The following RANBP2 variants were observed in gnomAD, a reference collection of about 807,000 sequenced individuals.
RANBP2 encodes E3 SUMO-protein ligase RanBP2.
Under a neutral mutation model 303.6 loss-of-function variants are expected in RANBP2, and 57 were observed. That is an observed-to-expected ratio of 0.19 (90% CI 0.15 to 0.23). The LOEUF is 0.23. Among genes scored for constraint, RANBP2 ranks in the 10% least tolerant of loss-of-function variants. RANBP2 has a pLI of 1.00. For missense variants in RANBP2, 3,138 were observed against 3,780.8 expected (o/e 0.83, Z 4.46); for synonymous variants, 1,167 against 1,301.5 (o/e 0.90, Z 2.23).
At chr2:109,290,309 C>T in the RANBP2 span, among the ~76,000 whole-genome samples, 5,662 of 152,220 alleles carry the variant, frequency 0.037, 268 homozygotes, top group African/African-American at 0.1. Context: ...AACACATTGC[C>T]CCCAGGCACG....
chr2:108,843,846 G>T, the RANBP2 span, among the ~76,000 whole-genome samples: 36 of 7,458 alleles, frequency 4.8e-3, no homozygotes, highest in Non-Finnish European at 0.021. Flanking sequence ...TTCATGTTTT[G>T]TGTGTGTGTG....
At chr2:109,332,228 C>CCT in the RANBP2 span, among the ~76,000 whole-genome samples, 9 of 152,290 alleles carry the variant, frequency 5.9e-5, no homozygotes, top group Middle Eastern at 6.8e-3. Context: ...GACCTTCTTG[C>CCT]CTCTCTGAGT....
At chr2:109,076,344 G>A in the RANBP2 span, among the ~76,000 whole-genome samples, 1 of 150,592 alleles carries the variant, frequency 6.6e-6, no homozygotes, top group Non-Finnish European at 1.5e-5. Context: ...AATAATTGAA[G>A]AAAAATTAAA....
At chr2:109,316,257 GGCTATCAGT>G in the RANBP2 span, among the ~76,000 whole-genome samples, 1 of 152,174 alleles carries the variant, frequency 6.6e-6, no homozygotes, top group Non-Finnish European at 1.5e-5. Context: ...GCTCCAACTG[GGCTATCAGT>G]GCTGTGGGCC....
intron 1 of RANBP2, among the ~76,000 whole-genome samples, chr2:108,728,791 C>A (rs1425332803): frequency 6.6e-6 from 1 of 152,102 alleles, no homozygotes; most frequent in African/African-American, 2.4e-5. Context: ...GTTACAGGCA[C>A]CCACCATCAT....
At chr2:109,512,669 TGAGC>T in the RANBP2 span, among the ~76,000 whole-genome samples, 1 of 152,056 alleles carries the variant, frequency 6.6e-6, no homozygotes, top group Admixed American at 6.5e-5. Context: ...CCACAGAGGC[TGAGC>T]AAGAAAGAGA....
At chr2:109,515,961 C>T in the RANBP2 span, among the ~76,000 whole-genome samples, 1 of 152,210 alleles carries the variant, frequency 6.6e-6, no homozygotes, top group African/African-American at 2.4e-5. Context: ...GATTGCATTT[C>T]CACCTGGGGT....
chr2:108,985,582 AGT>A, the RANBP2 span, among the ~76,000 whole-genome samples: 1 of 152,278 alleles, frequency 6.6e-6, no homozygotes, highest in Admixed American at 6.5e-5. Context: ...GCATTTCCAG[AGT>A]GTGTCTGGGC....
the RANBP2 span, among the ~76,000 whole-genome samples, chr2:109,485,166 A>C: frequency 4.7e-4 from 71 of 152,352 alleles, no homozygotes; most frequent in East Asian, 0.013. Context: ...GTGTGTGCCC[A>C]ACCAATGCAA....
At chr2:108,953,478 G>A in the RANBP2 span, among the ~76,000 whole-genome samples, 1 of 152,098 alleles carries the variant, frequency 6.6e-6, no homozygotes, top group Non-Finnish European at 1.5e-5. Context: ...AATTCCCTCT[G>A]GCTAGGAAGC....
chr2:109,717,272 CA>C, the RANBP2 span, among the ~76,000 whole-genome samples: 13,156 of 124,656 alleles, frequency 0.11, 711 homozygotes, highest in African/African-American at 0.22. Context: ...AAAAACAAAC[CA>C]AAAAAAAAAA....
chr2:108,882,132 C>G, the RANBP2 span: 1 of 142,274 alleles, frequency 7.0e-6, no homozygotes, highest in African/African-American at 2.6e-5. Context: ...CCGGTCTGGG[C>G]AACAGAGTGA....
the RANBP2 span, among the ~76,000 whole-genome samples, chr2:109,609,877 T>A: frequency 6.6e-6 from 1 of 152,052 alleles, no homozygotes; most frequent in African/African-American, 2.4e-5. Flanking sequence ...TCTCGGGAGA[T>A]GAAAAGGCAG....
chr2:109,352,302 T>C, the RANBP2 span, among the ~76,000 whole-genome samples: 1 of 152,156 alleles, frequency 6.6e-6, no homozygotes, highest in African/African-American at 2.4e-5. Context: ...AAAGTAAGCC[T>C]CCCTCCTAAA....
the RANBP2 span, among the ~76,000 whole-genome samples, chr2:109,168,608 G>A: frequency 3.3e-5 from 5 of 152,312 alleles, no homozygotes; most frequent in African/African-American, 1.2e-4. Flanking sequence ...TGATCTGGCC[G>A]TAGGTGGTAA....
the RANBP2 span, among the ~76,000 whole-genome samples, chr2:109,188,224 T>C: frequency 2.0e-5 from 3 of 152,244 alleles, no homozygotes; most frequent in African/African-American, 7.2e-5. Context: ...AGCTTTGCCA[T>C]GTAGCAGGGG....
chr2:109,542,138 G>C, the RANBP2 span, among the ~76,000 whole-genome samples: 1 of 152,174 alleles, frequency 6.6e-6, no homozygotes, highest in African/African-American at 2.4e-5. Context: ...TTTATTCCCA[G>C]GAGATTATGC....
chr2:109,527,914 G>A, the RANBP2 span, among the ~76,000 whole-genome samples: 2 of 152,202 alleles, frequency 1.3e-5, no homozygotes, highest in Non-Finnish European at 2.9e-5. Context: ...AGGGAGGGCA[G>A]AGCAGGAGAA....
At chr2:109,142,857 T>C in the RANBP2 span, among the ~76,000 whole-genome samples, 4 of 152,148 alleles carry the variant, frequency 2.6e-5, no homozygotes, top group Non-Finnish European at 5.9e-5. Flanking sequence ...CTCTCTAAAC[T>C]TAAGTGGGAA....
Sources: gnomAD v4.1 joint callset for allele counts (sites outside exome capture counted in the v4.1 genomes callset) on GRCh38, gnomAD v4.1.1 for gene constraint, MANE v1.5 for transcripts, NCBI Gene and HGNC (gene_info 2026-07-23, HGNC 2026-07-21) for gene names.